The following FBN3 variants were observed in gnomAD, a reference collection of about 807,000 sequenced individuals.
The protein encoded by FBN3 is fibrillin-3.
In FBN3, 234 loss-of-function variants were observed where a neutral mutation model predicts 330.1. That is an observed-to-expected ratio of 0.71 (90% CI 0.64 to 0.79). The LOEUF (loss-of-function observed/expected upper bound fraction) is 0.79, where lower values mean the gene tolerates loss of function less well. Ranked by LOEUF, FBN3 falls within the 30% of genes least tolerant of loss-of-function variation. The pLI is 0.00. For synonymous variants in FBN3, 1,458 were observed against 1,517.3 expected (o/e 0.96, Z 0.91); for missense variants, 3,606 against 3,886.9 (o/e 0.93, Z 1.92).
intron 61 of FBN3, among the ~76,000 whole-genome samples, chr19:8,074,333 C>T (rs1471864255): frequency 6.6e-6 from 1 of 151,984 alleles, no homozygotes; most frequent in Non-Finnish European, 1.5e-5. Flanking sequence ...AAGAACTTAG[C>T]TAAAGACCCA....
intron 30 of FBN3, among the ~76,000 whole-genome samples, chr19:8,112,668 A>G (rs1291428104): frequency 2.0e-5 from 3 of 152,152 alleles, no homozygotes; most frequent in African/African-American, 7.2e-5. Context: ...AAATAAATAA[A>G]AAAATAAAAA....
intron 30 of FBN3, among the ~76,000 whole-genome samples, 176 bp downstream of exon 30, chr19:8,115,339 A>AC (rs921173171): frequency 1.8e-4 from 28 of 151,930 alleles, no homozygotes; most frequent in Middle Eastern, 6.8e-3. Context: ...TGTTCAGGGG[A>AC]CCCCCCGGGG....
rs185614858 is a variant in FBN3 at position 8,110,065 on chromosome 19, T to C, written c.4334-312A>G. 4.0e-3 allele frequency among the ~76,000 whole-genome samples: 603 copies of C among 152,280 alleles called. 4 individuals carry two copies. The highest frequency in any genetic ancestry group is 5.0e-3 in the Non-Finnish European group (341 of 68,022). ...TATCTATTTTATTTCCGTAATTTAT[T>C]GATGTTTAGAGACAGGGTCTTGCTG... On this transcript the variant is annotated intron_variant, in intron 34 of 63. Transcript: ENST00000600128.
intron 21 of FBN3, 58 bp downstream of exon 21, chr19:8,126,239 G>A (rs748460772): frequency 2.1e-4 from 325 of 1,538,880 alleles, no homozygotes; most frequent in Non-Finnish European, 2.7e-4. Flanking sequence ...AGGGTGGTGC[G>A]CCTGGTTGTG....
At position 8,117,453 on chromosome 19, in the gene FBN3, C is replaced by T. The variant is rs1357996049; in HGVS notation, c.3463+11G>A. 2 of 1,561,022 alleles carry T rather than the reference C, an allele frequency of 1.3e-6. No homozygotes were observed. The highest frequency in any genetic ancestry group is 1.9e-5 in the Admixed American group (1 of 52,462). ...TGGTGCCCAGGGGCCAGCAGGTGGG[C>T]ACAGTCTCACCCACGCAGCCCTGGC... On this transcript the variant is annotated intron_variant, in intron 27 of 63. Coordinates refer to ENST00000600128, the MANE Select transcript of FBN3 (RefSeq NM_032447.5).
chr19:8,090,999 C>G (rs2082084280), intron 48 of FBN3, among the ~76,000 whole-genome samples: 1 of 152,180 alleles, frequency 6.6e-6, no homozygotes, highest in Non-Finnish European at 1.5e-5. Context: ...AGGCTGGGGT[C>G]CCAGCCTCCC....
In FBN3 at chr19:8,100,984, G is replaced by A. The variant is rs56182050; in HGVS notation, c.5090-12C>T. ...GATCTGGTAGTCAGCTGCGCAAAGG[G>A]GAACAAAGCTGAGTCTGGGGCTGCA... On this transcript the variant is annotated splice_polypyrimidine_tract_variant and intron_variant, in intron 40 of 63. Transcript: ENST00000600128. 444,297 of 1,608,278 alleles carry A rather than the reference G, an allele frequency of 0.28. 65,519 individuals are homozygous for A. The highest frequency in any genetic ancestry group is 0.47 in the East Asian group (20,941 of 44,578).
intron 38 of FBN3, among the ~76,000 whole-genome samples, chr19:8,104,447 G>T (rs1352976248): frequency 2.7e-5 from 4 of 150,420 alleles, no homozygotes; most frequent in Non-Finnish European, 5.9e-5. Context: ...CTCCAGCCTG[G>T]ACAACAGAGT....
chr19:8,137,771 G>A (rs2083321942), intron 10 of FBN3, among the ~76,000 whole-genome samples: 1 of 151,974 alleles, frequency 6.6e-6, no homozygotes, highest in African/African-American at 2.4e-5. Flanking sequence ...AGGGACTACT[G>A]GTGGGCATCA....
chr19:8,131,452 G>C lies in FBN3; in HGVS notation c.1990+102C>G, dbSNP rs1004778541. ...ACTCCCTTCAGCCTCTTTTTGGGAA[G>C]AGCCCCCACTCCATGGCAGCCATGA... is the stretch of plus-strand genomic sequence containing the variant. On this transcript the variant is annotated intron_variant, in intron 15 of 63. Transcript: ENST00000600128. This position sits in a 1 kb window ranked among gnomAD's most constrained non-coding sequence, Gnocchi z 4.5. 8.0e-6 allele frequency: 12 copies of C among 1,492,322 alleles called. No individual in the cohort carries two copies. The highest frequency in any genetic ancestry group is 1.9e-5 in the Admixed American group (1 of 52,174). 92.4% of individuals were successfully genotyped at this position (1,492,322 alleles called of 1,614,324 possible). A position where few individuals can be genotyped will look rare whatever the true frequency, so the allele number is the denominator to read the frequency against.
At chr19:8,136,603 T>A in intron 10 of FBN3, 72 bp from the exon 11 acceptor site, 1 of 1,586,806 alleles carries the variant, frequency 6.3e-7, no homozygotes, top group Non-Finnish European at 8.6e-7. Flanking sequence ...GGGCTTCACC[T>A]CTCTAGGCCC....
At chr19:8,080,938 G>A (rs2081764585) in intron 59 of FBN3, 65 bp downstream of exon 59, 1 of 1,189,876 alleles carries the variant, frequency 8.4e-7, no homozygotes, top group African/African-American at 1.5e-5. Context: ...ATATTTTTTT[G>A]GTGAGCAAAA....
Position 8,135,943 on chromosome 19 carries a change from C to CCCCCCCCCCCCCCCCCCCCCCCCA in FBN3, c.1591+17_1591+18insTGGGGGGGGGGGGGGGGGGGGGGG. Reference sequence around the variant, plus strand: ...TGGGGCCCGGAAGCCCCTGCCCACCCGCCCACCCCCAACTCACCCACACAG... The same window carrying CCCCCCCCCCCCCCCCCCCCCCCCA: ...TGGGGCCCGGAAGCCCCTGCCCACCCCCCCCCCCCCCCCCCCCCCCCCCAGCCCACCCCCAACTCACCCACACAG... On this transcript the variant is annotated intron_variant, in intron 13 of 63. Transcript: ENST00000600128. 1 of 481,676 alleles carries CCCCCCCCCCCCCCCCCCCCCCCCA rather than the reference C, an allele frequency of 2.1e-6. No homozygotes were observed. Among genetic ancestry groups the CCCCCCCCCCCCCCCCCCCCCCCCA allele is most frequent in the Non-Finnish European group, 4.0e-6 (1 of 250,162 alleles). 29.8% of individuals were successfully genotyped at this position (481,676 alleles called of 1,614,324 possible).
In FBN3 at chr19:8,138,215, C is replaced by T. The variant is rs772381752; in HGVS notation, c.1127G>A (p.Gly376Glu). 7 of 1,612,504 alleles carry T rather than the reference C, an allele frequency of 4.3e-6. No homozygotes were observed. Among genetic ancestry groups the T allele is most frequent in the South Asian group, 1.1e-5 (1 of 90,912 alleles). ...FGSNGMGPPL[G>E]PARLNPHGSD... ...GCCATGGGGGTTGAGTCGCGCTGGC[C>T]CAAGAGGGGGACCCATGCCATTGGA... is the stretch of plus-strand genomic sequence containing the variant. Residue 376 changes from glycine (G) to glutamate (E), a missense_variant, in exon 10 of 64, where the codon GGG becomes GAG. Coordinates refer to ENST00000600128, the MANE Select transcript of FBN3 (RefSeq NM_032447.5).
In FBN3 at chr19:8,123,433, G is replaced by C. The variant is rs1232670919; in HGVS notation, c.3082+31C>G. On this transcript the variant is annotated intron_variant, in intron 24 of 63. Coordinates refer to ENST00000600128, the MANE Select transcript of FBN3 (RefSeq NM_032447.5). The stretch of plus-strand genomic sequence containing the variant: ...GGCCCCTATCCCTGCCAAGGATCAC[G>C]CTCTCTCCAAGAGGCAGAGGTGGCA... The C allele has an allele frequency of 1.9e-6, 3 of 1,605,674 alleles. No homozygotes were observed. In the African/African-American group the frequency reaches 4.0e-5, roughly 21 times the overall value.
rs187586796 is a variant in FBN3, at chr19:8,109,433, C to T, written c.4457-45G>A. Reference sequence around the variant, plus strand: ...TGGTTAGTAGGTGTCAGAGGGAAAGCTGTATGTGTGCGTGTGCATGCATGT... The same window carrying T: ...TGGTTAGTAGGTGTCAGAGGGAAAGTTGTATGTGTGCGTGTGCATGCATGT... On this transcript the variant is annotated intron_variant, in intron 35 of 63. Transcript: ENST00000600128. This position sits in a 1 kb window ranked among gnomAD's most constrained non-coding sequence, Gnocchi z 5.2. 481 of 1,609,102 alleles carry T rather than the reference C, an allele frequency of 3.0e-4. 1 individual carries two copies. Among genetic ancestry groups the T allele is most frequent in the Non-Finnish European group, 4.0e-4 (472 of 1,176,010 alleles).
chr19:8,106,015 C>A, intron 38 of FBN3, 93 bp downstream of exon 38: 1 of 1,495,230 alleles, frequency 6.7e-7, no homozygotes. Context: ...TCCATGAGGC[C>A]TTCCCTCCTC....
At position 8,110,920 on chromosome 19, in the gene FBN3, C is replaced by T; in HGVS notation, c.4258G>A (p.Glu1420Lys). The T allele has an allele frequency of 6.2e-7, 1 of 1,614,234 alleles. No homozygotes were observed. Among genetic ancestry groups the T allele is most frequent in the Non-Finnish European group, 8.5e-7 (1 of 1,180,042 alleles). ...QGNLCAFGSCENLPGMFRCIC... is the reference protein window; with the variant it reads ...QGNLCAFGSCKNLPGMFRCIC... ...CAGCGGAACATTCCAGGCAGGTTCT[C>T]ACAGCTCCCAAATGCACAGAGGTTC... The change falls in exon 34 of 64, where the codon GAG (glutamate) becomes AAG (lysine). Residue 1420 changes from glutamate (E) to lysine (K), a missense_variant. Physicochemically the swap from Glu to Lys is moderately conservative, Grantham distance 56. Transcript: ENST00000600128.
At position 8,136,260 on chromosome 19, in the gene FBN3, G is replaced by A; in HGVS notation, c.1395C>T (p.Asn465=). ...SSPCHHGDCV[N]IPGTYHCRCY... Reference sequence around the variant, plus strand: ...ACCGGCAGTGGTAGGTGCCGGGGATGTTGACGCAGTCACCGTGGTGGCAGG... The same window carrying A: ...ACCGGCAGTGGTAGGTGCCGGGGATATTGACGCAGTCACCGTGGTGGCAGG... The change falls in exon 12 of 64, where the codon AAC becomes AAT. Residue 465 remains asparagine (N), a synonymous_variant. Coordinates refer to ENST00000600128, the MANE Select transcript of FBN3 (RefSeq NM_032447.5). 3 of 1,607,286 alleles carry A rather than the reference G, an allele frequency of 1.9e-6. No individual in the cohort carries two copies. Among genetic ancestry groups the A allele is most frequent in the Non-Finnish European group, 2.5e-6 (3 of 1,177,692 alleles).
Sources: allele counts gnomAD v4.1 joint callset (sites outside exome capture counted in the v4.1 genomes callset), GRCh38; gene constraint gnomAD v4.1.1; non-coding constraint Gnocchi (gnomAD v3.1); transcripts MANE v1.5; gene names NCBI Gene and HGNC (gene_info 2026-07-23, HGNC 2026-07-21).